SHE: variants seen among roughly 807,000 people sequenced by gnomAD.
SHE encodes SH2 domain-containing adapter protein E.
SHE carries 11 observed loss-of-function variants against 49.8 expected under a neutral mutation model. The ratio of observed to expected loss-of-function variants is 0.22; its 90% CI spans 0.14 to 0.37. The LOEUF is 0.37. SHE is among the 10% of genes least tolerant of loss of function. The probability of loss-of-function intolerance (pLI) is 1.00; values close to 1 mark genes in which losing one functional copy is unlikely to be tolerated. For synonymous variants in SHE, 310 were observed against 278.1 expected (o/e 1.11, Z -1.14); for missense variants, 624 against 655.5 (o/e 0.95, Z 0.52).
chr1:154,476,976 T>C (rs1691891880), downstream of SHE, among the ~76,000 whole-genome samples: 1 of 152,232 alleles, frequency 6.6e-6, no homozygotes, highest in Non-Finnish European at 1.5e-5. Flanking sequence ...ATTCTGGTGC[T>C]ACCTGTGGAT....
In SHE at chr1:154,481,872, CAG is replaced by C. The variant is rs1186538156; in HGVS notation, c.*2275_*2276del. On this transcript the variant is annotated 3_prime_UTR_variant, in exon 6 of 6. Transcript: ENST00000304760. ...TTTTTTGTTTGCTTGCTTGTTGAGA[CAG>C]GGTCTCACTCTGTCACTCAGGCTGG... is the stretch of plus-strand genomic sequence containing the variant. 1.4e-5 allele frequency: 12 copies of C among 856,544 alleles called. No individual in the cohort carries two copies. The highest frequency in any genetic ancestry group is 1.4e-5 in the Non-Finnish European group (10 of 712,468). 53.1% of individuals were successfully genotyped at this position (856,544 alleles called of 1,614,324 possible).
At chr1:154,477,377 A>T (rs1557793111), downstream of SHE, among the ~76,000 whole-genome samples, 1 of 151,790 alleles carries the variant, frequency 6.6e-6, no homozygotes, top group Non-Finnish European at 1.5e-5. Flanking sequence ...ACCTATTTTA[A>T]TTTTTTTTAT....
rs1692164305 is a variant in SHE, at chr1:154,485,968, T to TC, written c.1275dup (p.Asn426GlufsTer11). 6.2e-7 allele frequency: 1 copy of TC among 1,614,026 alleles called. No individual in the cohort carries two copies. Among genetic ancestry groups the TC allele is most frequent in the Non-Finnish European group, 8.5e-7 (1 of 1,179,996 alleles). On this transcript the variant is annotated frameshift_variant, in exon 5 of 6. Coordinates refer to ENST00000304760, the MANE Select transcript of SHE (RefSeq NM_001010846.3). LOFTEE classifies it high-confidence loss of function. ...TTTAGGGCAATGGAGTACCTGCTGT[T>TC]CCCTGACTCACTATTTCGAACCAGG...
chr1:154,477,426 G>A (rs532840065), downstream of SHE, among the ~76,000 whole-genome samples: 5 of 152,112 alleles, frequency 3.3e-5, no homozygotes, highest in Admixed American at 6.5e-5. Context: ...GGCTGGTCTC[G>A]AACTCCTTCG....
Position 154,484,176 on chromosome 1 carries a change from G to C in SHE, c.1461C>G (p.Leu487=), listed in dbSNP as rs1381166823. ...PFKGAEHMTL[L]YPVHSKLH ...AGTGAAGCTTGCTGTGCACTGGGTAGAGTAAAGTCATGTGTTCTGCCCCTT... is the reference window on the plus strand; with the variant it reads ...AGTGAAGCTTGCTGTGCACTGGGTACAGTAAAGTCATGTGTTCTGCCCCTT... Residue 487 remains leucine (L), a synonymous_variant, in exon 6 of 6, where the codon CTC becomes CTG. Transcript: ENST00000304760. 2.5e-6 allele frequency: 4 copies of C among 1,614,040 alleles called. No homozygotes were observed. The highest frequency in any genetic ancestry group is 3.4e-6 in the Non-Finnish European group (4 of 1,180,006).
chr1:154,484,284 T>G lies in SHE; in HGVS notation c.1353A>C (p.Lys451Asn). 1 of 1,614,212 alleles carries G rather than the reference T, an allele frequency of 6.2e-7. No homozygotes were observed. The highest frequency in any genetic ancestry group is 1.1e-5 in the South Asian group (1 of 91,076). Residue 451 changes from lysine (K) to asparagine (N), a missense_variant, in exon 6 of 6, where the codon AAA becomes AAC. Transcript: ENST00000304760. ...CAGCGCTTGTCTGATTCAGTGTGTA[T>G]TTGTTGTCTTTGGTCTGAGCCACTA... ...HIIVAQTKDN[K>N]YTLNQTSAVF...
At position 154,481,102 on chromosome 1, in the gene SHE, G is replaced by A; in HGVS notation, c.*3047C>T. On this transcript the variant is annotated 3_prime_UTR_variant, in exon 6 of 6. Coordinates refer to ENST00000304760, the MANE Select transcript of SHE (RefSeq NM_001010846.3). ...AAATGACAAAAAGCCAGAGCATTCA[G>A]AGCTCAGAGAACATGTCACAGAGCT... 1.0e-6 allele frequency: 1 copy of A among 985,440 alleles called. No individual in the cohort carries two copies. The highest frequency in any genetic ancestry group is 1.2e-6 in the Non-Finnish European group (1 of 829,942). The allele number at this position is 985,440 out of a possible 1,614,324, so 61.0% of individuals were successfully genotyped here.
Position 154,502,171 on chromosome 1 carries a change from G to A in SHE, c.-145C>T, listed in dbSNP as rs937239228. 1.7e-6 allele frequency: 1 copy of A among 572,560 alleles called. No homozygotes were observed. The allele number at this position is 572,560 out of a possible 1,614,324, so 35.5% of individuals were successfully genotyped here. On this transcript the variant is annotated 5_prime_UTR_variant, in exon 1 of 6. Transcript: ENST00000304760. ...CGGGCGGGCGCTAGCCTCTGCTCCG[G>A]ACACGGCAGGCGACAGGCACGACGC...
intron 4 of SHE, 75 bp downstream of exon 4, chr1:154,486,452 G>T: frequency 1.3e-6 from 2 of 1,549,160 alleles, no homozygotes; most frequent in South Asian, 1.2e-5. Flanking sequence ...TGTGAAATGG[G>T]CCAATGTGCT....
At position 154,481,544 on chromosome 1, in the gene SHE, G is replaced by A; in HGVS notation, c.*2605C>T. On this transcript the variant is annotated 3_prime_UTR_variant, in exon 6 of 6. Transcript: ENST00000304760. ...ATTTCATTATACATTCATCACAGTT[G>A]CTGGGTATGGGCCAAAAATCATTTA... 1 of 985,350 alleles carries A rather than the reference G, an allele frequency of 1.0e-6. No homozygotes were observed. Among genetic ancestry groups the A allele is most frequent in the East Asian group, 1.1e-4 (1 of 8,814 alleles). The allele number at this position is 985,350 out of a possible 1,614,324, so 61.0% of individuals were successfully genotyped here.
chr1:154,494,527 G>GC (rs1222295022), intron 2 of SHE, among the ~76,000 whole-genome samples: 1 of 126,408 alleles, frequency 7.9e-6, no homozygotes, highest in Non-Finnish European at 1.7e-5. Context: ...GGAGTTTATA[G>GC]TTTTTTTTTT....
At position 154,479,960 on chromosome 1, in the gene SHE, C is replaced by T. The variant is rs1014569580; in HGVS notation, c.*4189G>A. On this transcript the variant is annotated 3_prime_UTR_variant, in exon 6 of 6. Transcript: ENST00000304760. ...TCAGAAATCCTTCAGAAAGCCCTAC[C>T]CTTAAATGCACAGCTGCTTTTCCCA... 1.0e-6 allele frequency: 1 copy of T among 985,374 alleles called. No individual in the cohort carries two copies. The highest frequency in any genetic ancestry group is 1.2e-6 in the Non-Finnish European group (1 of 829,922). The allele number at this position is 985,374 out of a possible 1,614,324, so 61.0% of individuals were successfully genotyped here. A position where few individuals can be genotyped will look rare whatever the true frequency, so the allele number is the denominator to read the frequency against.
Position 154,501,875 on chromosome 1 carries a change from G to C in SHE, c.152C>G (p.Thr51Ser). 6.5e-7 allele frequency: 1 copy of C among 1,534,240 alleles called. No individual in the cohort carries two copies. ...WFKEFPLNLK[T>S]VSERAKPGGG... ...CCCGGGCTTGGCCCGCTCCGACACG[G>C]TCTTCAGGTTCAGGGGGAACTCCTT... Residue 51 changes from threonine to serine, a missense_variant, in exon 1 of 6, where the codon ACC becomes AGC. Thr to Ser is a moderately conservative substitution (Grantham distance 58, BLOSUM62 1). Transcript: ENST00000304760.
chr1:154,476,978 C>T (rs1691891941), downstream of SHE, among the ~76,000 whole-genome samples: 1 of 152,172 alleles, frequency 6.6e-6, no homozygotes, highest in East Asian at 1.9e-4. Context: ...TCTGGTGCTA[C>T]CTGTGGATTC....
At chr1:154,477,386 A>G (rs943895036), downstream of SHE, among the ~76,000 whole-genome samples, 1 of 152,042 alleles carries the variant, frequency 6.6e-6, no homozygotes, top group South Asian at 2.1e-4. Context: ...AATTTTTTTT[A>G]TAAGAGATGG....
In SHE at chr1:154,479,503, TAA is replaced by T. The variant is rs1691964082; in HGVS notation, c.*4644_*4645del. The T allele has an allele frequency of 8.1e-5, 80 of 985,350 alleles. No homozygotes were observed. Among genetic ancestry groups the T allele is most frequent in the Non-Finnish European group, 9.6e-5 (80 of 829,848 alleles). 61.0% of individuals were successfully genotyped at this position (985,350 alleles called of 1,614,324 possible). A position where few individuals can be genotyped will look rare whatever the true frequency, so the allele number is the denominator to read the frequency against. On this transcript the variant is annotated 3_prime_UTR_variant, in exon 6 of 6. Coordinates refer to ENST00000304760, the MANE Select transcript of SHE (RefSeq NM_001010846.3). Reference sequence around the variant, plus strand: ...TAGTTTTCTTGGAATAATGTTTATTTAAAGTTACATTTCAGAGGAAACTATCT... The same window carrying T: ...TAGTTTTCTTGGAATAATGTTTATTTAGTTACATTTCAGAGGAAACTATCT...
chr1:154,492,510 C>A (rs908991819), intron 2 of SHE, among the ~76,000 whole-genome samples: 1 of 152,178 alleles, frequency 6.6e-6, no homozygotes, highest in Admixed American at 6.5e-5. Flanking sequence ...TGGCCCCCAC[C>A]CCCAGGCCAG....
chr1:154,484,310 T>C lies in SHE; in HGVS notation c.1327A>G (p.Ile443Val), dbSNP rs1332783978. The C allele has an allele frequency of 6.2e-7, 1 of 1,614,032 alleles. No homozygotes were observed. Among genetic ancestry groups the C allele is most frequent in the Admixed American group, 1.7e-5 (1 of 60,004 alleles). ...TTGTTGTCTTTGGTCTGAGCCACTA[T>C]GATGTGGACACATCCTTGACTAGTC... ...LKTSQGCVHI[I>V]VAQTKDNKYT... The change falls in exon 6 of 6, where the codon ATA (isoleucine) becomes GTA (valine). Residue 443 changes from isoleucine to valine, a missense_variant. Transcript: ENST00000304760.
In SHE at chr1:154,499,707, A is replaced by C. The variant is rs572934248; in HGVS notation, c.592-469T>G. ...GGCTAGGCACTGTGAAGGAGTCAAA[A>C]TAAACCCAAGACATGCTTCCTGTCC... is the stretch of plus-strand genomic sequence containing the variant. On this transcript the variant is annotated intron_variant, in intron 1 of 5. Transcript: ENST00000304760. 3.9e-5 allele frequency among the ~76,000 whole-genome samples: 6 copies of C among 152,326 alleles called. No individual in the cohort carries two copies. In the East Asian group the frequency reaches 1.2e-3, roughly 29 times the overall value.
Sources: gnomAD v4.1 joint callset for allele counts (sites outside exome capture counted in the v4.1 genomes callset) on GRCh38, gnomAD v4.1.1 for gene constraint, MANE v1.5 for transcripts, NCBI Gene and HGNC (gene_info 2026-07-23, HGNC 2026-07-21) for gene names.